The following GLT1D1 variants were observed in gnomAD, a reference collection of about 807,000 sequenced individuals.
The protein encoded by GLT1D1 is glycosyltransferase 1 domain containing 1.
In GLT1D1, 21 loss-of-function variants were observed where a neutral mutation model predicts 28.7. That is an observed-to-expected ratio of 0.73 (90% CI 0.52 to 1.05). The LOEUF is 1.05. GLT1D1 is among the 50% of genes least tolerant of loss of function. The pLI is 0.00. For missense variants in GLT1D1, 343 were observed against 330.6 expected, an observed-to-expected ratio of 1.04 and a Z score of -0.29; for synonymous variants, 147 against 124.8, an observed-to-expected ratio of 1.18 and a Z score of -1.19.
chr12:128,896,180 G>C (rs1325490686), intron 3 of GLT1D1, among the ~76,000 whole-genome samples: 2 of 152,164 alleles, frequency 1.3e-5, no homozygotes, highest in East Asian at 3.9e-4. Context: ...AAGGAGAAAA[G>C]AGAAAAAGGA....
intron 4 of GLT1D1, among the ~76,000 whole-genome samples, chr12:128,902,583 C>G (rs1870404314): frequency 6.6e-6 from 1 of 151,330 alleles, no homozygotes; most frequent in African/African-American, 2.4e-5. Flanking sequence ...TGTCCAAGAA[C>G]AATGCCTACA....
At chr12:128,892,528 G>T (rs1451439884) in intron 3 of GLT1D1, among the ~76,000 whole-genome samples, 1 of 152,094 alleles carries the variant, frequency 6.6e-6, no homozygotes, top group African/African-American at 2.4e-5. Flanking sequence ...ATTATTATTA[G>T]TATTATTTAT....
chr12:128,865,499 G>A (rs1443090394), intron 1 of GLT1D1, among the ~76,000 whole-genome samples: 1 of 152,056 alleles, frequency 6.6e-6, no homozygotes, highest in African/African-American at 2.4e-5. Context: ...AGCAACTACA[G>A]ATCAAAATGT....
intron 3 of GLT1D1, among the ~76,000 whole-genome samples, chr12:128,896,834 G>A (rs77247301): frequency 0.01 from 1,521 of 151,920 alleles, 24 homozygotes; most frequent in African/African-American, 0.035. Flanking sequence ...TTTGAGATTG[G>A]GCATTTATAT....
intron 7 of GLT1D1, among the ~76,000 whole-genome samples, chr12:128,960,542 G>A (rs1407327851): frequency 2.6e-5 from 4 of 152,134 alleles, no homozygotes; most frequent in African/African-American, 4.8e-5. Context: ...TGGATTGCCA[G>A]AGGTTAGGAG....
rs376398708 is a variant in GLT1D1 at position 128,910,989 on chromosome 12, G to A, written c.375+11702G>A. 1.4e-4 allele frequency among the ~76,000 whole-genome samples: 22 copies of A among 152,212 alleles called. No individual in the cohort carries two copies. The East Asian group carries it at 4.1e-3, about 28-fold the overall frequency. On this transcript the variant is annotated intron_variant, in intron 4 of 7. Coordinates refer to ENST00000281703, the MANE Select transcript of GLT1D1 (RefSeq NM_144669.3). ...CTGTCGCTTAGTCTGGAGTGCAGTGGCGCAATGTCGGCTCACTGCAACCTC... is the reference window on the plus strand; with the variant it reads ...CTGTCGCTTAGTCTGGAGTGCAGTGACGCAATGTCGGCTCACTGCAACCTC...
At chr12:128,911,668 T>C (rs1310953215) in intron 4 of GLT1D1, among the ~76,000 whole-genome samples, 1 of 152,178 alleles carries the variant, frequency 6.6e-6, no homozygotes, top group African/African-American at 2.4e-5. Flanking sequence ...CACCTTTCCA[T>C]CTAAACGTCA....
At chr12:128,908,950 A>AAAATAAAT (rs377518306) in intron 4 of GLT1D1, among the ~76,000 whole-genome samples, 216 of 151,192 alleles carry the variant, frequency 1.4e-3, no homozygotes, top group East Asian at 8.6e-3. Flanking sequence ...CTCCGTCTCA[A>AAAATAAAT]AAATAAATAA....
intron 7 of GLT1D1, among the ~76,000 whole-genome samples, chr12:128,975,071 T>C (rs920911693): frequency 2.0e-5 from 3 of 152,202 alleles, no homozygotes; most frequent in Non-Finnish European, 2.9e-5. Flanking sequence ...TTCCTCATGC[T>C]ACAGACTCCC....
At chr12:128,959,421 C>CGGTGGGG (rs1877681362) in intron 7 of GLT1D1, among the ~76,000 whole-genome samples, 2 of 9,942 alleles carry the variant, frequency 2.0e-4, no homozygotes, top group Non-Finnish European at 3.4e-4. Context: ...TGGGGGGGGA[C>CGGTGGGG]GGGTGGGGAG....
Position 128,861,858 on chromosome 12 carries a change from G to A in GLT1D1, c.68+8209G>A, listed in dbSNP as rs1053224310. On this transcript the variant is annotated intron_variant, in intron 1 of 7. Transcript: ENST00000281703. Reference sequence around the variant, plus strand: ...TCTGAATTCTCTGTGTCAAGCATTTGGGAAGAAAAAAAAAGTATGAGGAAA... The same window carrying A: ...TCTGAATTCTCTGTGTCAAGCATTTAGGAAGAAAAAAAAAGTATGAGGAAA... Among the ~76,000 whole-genome samples the A allele has an allele frequency of 1.5e-4, 23 of 151,884 alleles. 1 individual carries two copies. Among genetic ancestry groups the A allele is most frequent in the Middle Eastern group, 3.4e-3 (1 of 294 alleles).
intron 4 of GLT1D1, among the ~76,000 whole-genome samples, chr12:128,900,636 C>CTT (rs71072419): frequency 1.0e-4 from 14 of 140,554 alleles, no homozygotes; most frequent in Non-Finnish European, 1.1e-4. Context: ...TAATACCAAA[C>CTT]TTTTTTTTTT....
At chr12:128,874,124 CTCTTTCTTTCTTTCTTTCTT>C (rs756979442) in intron 1 of GLT1D1, among the ~76,000 whole-genome samples, 2,651 of 38,832 alleles carry the variant, frequency 0.068, 183 homozygotes, top group Middle Eastern at 0.11. Flanking sequence ...CTCTCTCTCT[CTCTTTCTTTCTTTCTTTCTT>C]TCTTTCTTTC....
chr12:128,906,916 C>T (rs1248925324), intron 4 of GLT1D1: 2 of 702,416 alleles, frequency 2.8e-6, no homozygotes, highest in Admixed American at 2.0e-5. Context: ...GAAAGCAAGA[C>T]AGATCTCATT....
At chr12:128,959,755 T>A (rs1877745950) in intron 7 of GLT1D1, among the ~76,000 whole-genome samples, 1 of 152,216 alleles carries the variant, frequency 6.6e-6, no homozygotes, top group Admixed American at 6.5e-5. Flanking sequence ...CCATATTCCA[T>A]GTCTCTCAAA....
At chr12:128,877,697 C>T (rs992303804) in intron 2 of GLT1D1, among the ~76,000 whole-genome samples, 4 of 152,206 alleles carry the variant, frequency 2.6e-5, no homozygotes, top group Admixed American at 6.5e-5. Context: ...TGGATATTCT[C>T]CTAGAAATAT....
intron 1 of GLT1D1, among the ~76,000 whole-genome samples, chr12:128,875,626 G>A (rs572762346): frequency 4.6e-5 from 7 of 152,166 alleles, no homozygotes; most frequent in East Asian, 3.9e-4. Flanking sequence ...GTGAAACCCC[G>A]TTTCTACTAA....
chr12:128,959,411 T>TGGGGCGG (rs1877663604), intron 7 of GLT1D1, among the ~76,000 whole-genome samples: 2 of 31,508 alleles, frequency 6.3e-5, no homozygotes, highest in Non-Finnish European at 6.1e-5. Context: ...CATGAGGCAG[T>TGGGGCGG]GGGGGGGGAC....
intron 7 of GLT1D1, among the ~76,000 whole-genome samples, chr12:128,971,474 C>CCCTCCCTCCCTCTCTCTA (rs1209525885): frequency 1.9e-4 from 11 of 57,076 alleles, no homozygotes; most frequent in Non-Finnish European, 2.7e-4. Flanking sequence ...CCCTCTGCCT[C>CCCTCCCTCCCTCTCTCTA]CCTCCCTCCC....
Sources: gnomAD v4.1 joint callset for allele counts (sites outside exome capture counted in the v4.1 genomes callset) on GRCh38, gnomAD v4.1.1 for gene constraint, MANE v1.5 for transcripts, NCBI Gene and HGNC (gene_info 2026-07-23, HGNC 2026-07-21) for gene names.